The following EPB41 variants were observed in gnomAD, a reference collection of about 807,000 sequenced individuals.
The protein encoded by EPB41 is erythrocyte membrane protein band 4.1, also known as protein 4.1.
Under a neutral mutation model 108.0 loss-of-function variants are expected in EPB41, and 65 were observed. The ratio of observed to expected loss-of-function variants is 0.60; its 90% CI spans 0.49 to 0.74. The LOEUF is 0.74. Among genes scored for constraint, EPB41 ranks in the 30% least tolerant of loss-of-function variants. The pLI is 0.00. For synonymous variants in EPB41, 336 were observed against 358.9 expected (o/e 0.94, Z 0.72); for missense variants, 875 against 1,037.0 (o/e 0.84, Z 2.15).
intron 16 of EPB41, among the ~76,000 whole-genome samples, chr1:29,087,733 T>C (rs1449000686): frequency 2.0e-5 from 3 of 152,204 alleles, no homozygotes; most frequent in African/African-American, 7.2e-5. Context: ...TAAAGGCATA[T>C]ATATAATCAG....
intron 7 of EPB41, among the ~76,000 whole-genome samples, chr1:29,023,798 T>C (rs185843512): frequency 2.6e-5 from 4 of 151,828 alleles, no homozygotes; most frequent in South Asian, 2.1e-4. Context: ...AACCACTGAG[T>C]TGGGGCAATA....
chr1:29,095,132 TAC>T (rs62863760), intron 16 of EPB41, among the ~76,000 whole-genome samples: 3,943 of 152,276 alleles, frequency 0.026, 164 homozygotes, highest in African/African-American at 0.089. Context: ...AACCCACAGA[TAC>T]AGAGTGGTGA....
intron 1 of EPB41, among the ~76,000 whole-genome samples, chr1:28,895,322 C>T (rs1264890838): frequency 1.3e-5 from 2 of 151,914 alleles, no homozygotes; most frequent in Non-Finnish European, 2.9e-5. Context: ...ATTTTAGACA[C>T]ATTATCTCAT....
At chr1:28,931,677 C>T (rs978084612) in intron 1 of EPB41, among the ~76,000 whole-genome samples, 14 of 151,504 alleles carry the variant, frequency 9.2e-5, no homozygotes, top group Non-Finnish European at 1.2e-4. Context: ...TACAGGCGCC[C>T]GCCACCACGT....
chr1:28,908,871 G>A (rs1206598043), intron 1 of EPB41, among the ~76,000 whole-genome samples: 1 of 151,466 alleles, frequency 6.6e-6, no homozygotes, highest in African/African-American at 2.4e-5. Flanking sequence ...AATGAAAAAA[G>A]TCAGTTTTAG....
At chr1:28,982,929 T>A (rs1050894943) in intron 1 of EPB41, among the ~76,000 whole-genome samples, 2 of 152,230 alleles carry the variant, frequency 1.3e-5, no homozygotes, top group African/African-American at 2.4e-5. Context: ...AATTTTTTTT[T>A]AAATTCCTTT....
intron 16 of EPB41, among the ~76,000 whole-genome samples, chr1:29,090,764 A>G (rs1480006206): frequency 6.6e-6 from 1 of 152,168 alleles, no homozygotes; most frequent in Non-Finnish European, 1.5e-5. Context: ...AAGAAAAGAA[A>G]TGATAGAGGA....
At chr1:28,891,560 C>T (rs2090118917) in intron 1 of EPB41, among the ~76,000 whole-genome samples, 1 of 152,192 alleles carries the variant, frequency 6.6e-6, no homozygotes, top group African/African-American at 2.4e-5. Context: ...CTTCACCTAA[C>T]TGTCCTCATC....
intron 11 of EPB41, among the ~76,000 whole-genome samples, chr1:29,051,379 G>T (rs534739597): frequency 5.9e-5 from 9 of 151,774 alleles, no homozygotes; most frequent in Non-Finnish European, 1.3e-4. Flanking sequence ...GATTACAGGT[G>T]TGAGCCACCG....
In EPB41 at chr1:29,070,483, A is replaced by G. The variant is rs537588859; in HGVS notation, c.2184+5325A>G. ...AAATTCTTCCCAAGGTTTCTATTCC[A>G]ATCCCTGAGGATCACAAGTCTCTCA... On this transcript the variant is annotated intron_variant, in intron 16 of 20. Transcript: ENST00000343067. 3 of 1,232,154 alleles carry G rather than the reference A, an allele frequency of 2.4e-6. No individual in the cohort carries two copies. In the South Asian group the frequency reaches 1.2e-4, roughly 51 times the overall value. 76.3% of individuals were successfully genotyped at this position (1,232,154 alleles called of 1,614,324 possible).
chr1:29,074,897 G>A (rs943414833), intron 16 of EPB41, among the ~76,000 whole-genome samples: 73 of 152,180 alleles, frequency 4.8e-4, no homozygotes, highest in Non-Finnish European at 7.8e-4. Flanking sequence ...GGTGGCTCAC[G>A]CCTATAATCC....
In EPB41 at chr1:29,108,517, C is replaced by T. The variant is rs143484973; in HGVS notation, c.2314-819C>T. On this transcript the variant is annotated intron_variant, in intron 17 of 20. Coordinates refer to ENST00000343067, the MANE Select transcript of EPB41 (RefSeq NM_001376013.1). ...AAGGAAACTATACCCATCCAACTTTCTTAGAAGGAACTTTGTGCCCAGGGA... is the reference window on the plus strand; with the variant it reads ...AAGGAAACTATACCCATCCAACTTTTTTAGAAGGAACTTTGTGCCCAGGGA... Among the ~76,000 whole-genome samples the T allele has an allele frequency of 4.5e-3, 682 of 152,066 alleles. 4 individuals carry two copies. Among genetic ancestry groups the T allele is most frequent in the African/African-American group, 0.016 (645 of 41,510 alleles).
chr1:28,971,180 C>CTTTTTTTTTTTT (rs1000130058), intron 1 of EPB41, among the ~76,000 whole-genome samples: 52 of 66,298 alleles, frequency 7.8e-4, no homozygotes, highest in Non-Finnish European at 9.3e-4. Flanking sequence ...TTCTTTCTTT[C>CTTTTTTTTTTTT]TTTTTTTTTT....
At chr1:28,945,760 G>T (rs2094467960) in intron 1 of EPB41, among the ~76,000 whole-genome samples, 1 of 152,158 alleles carries the variant, frequency 6.6e-6, no homozygotes, top group African/African-American at 2.4e-5. Context: ...ATTTTGGTGG[G>T]ATTCCTTACA....
At position 29,065,118 on chromosome 1, in the gene EPB41, G is replaced by T; in HGVS notation, c.2144G>T (p.Arg715Leu). The T allele has an allele frequency of 6.2e-7, 1 of 1,612,358 alleles. No individual in the cohort carries two copies. Among genetic ancestry groups the T allele is most frequent in the African/African-American group, 1.3e-5 (1 of 74,976 alleles). The change falls in exon 16 of 21, where the codon CGA becomes CTA. Residue 715 changes from arginine (R) to leucine (L), a missense_variant. Physicochemically the swap from Arg to Leu is moderately radical, Grantham distance 102. Around this residue, in one of 3 missense-constraint regions of EPB41, gnomAD observed 519 missense variants for 627.3 expected, o/e 0.83. Transcript: ENST00000343067. ...DKRLSTHSPF[R>L]TLNINGQIPT... is the part of the protein sequence containing the mutation. ...CGCTTATCCACTCACTCACCCTTCC[G>T]AACTCTTAACATCAATGGGCAAATC... is the stretch of plus-strand genomic sequence containing the variant.
intron 1 of EPB41, among the ~76,000 whole-genome samples, chr1:28,942,758 G>T (rs1034234873): frequency 1.3e-5 from 2 of 152,132 alleles, no homozygotes; most frequent in Non-Finnish European, 2.9e-5. Context: ...GGCACTGAAA[G>T]TTCTAACCCT....
chr1:29,063,630 C>T (rs1239600470), intron 15 of EPB41, among the ~76,000 whole-genome samples: 1 of 152,098 alleles, frequency 6.6e-6, no homozygotes, highest in African/African-American at 2.4e-5. Flanking sequence ...CCCAATACAG[C>T]TGTTTCCTAC....
At chr1:29,046,480 A>G (rs942841239) in intron 11 of EPB41, among the ~76,000 whole-genome samples, 5 of 152,180 alleles carry the variant, frequency 3.3e-5, no homozygotes, top group Admixed American at 2.0e-4. Flanking sequence ...TTTGGGGTAT[A>G]CATTATTGTG....
chr1:29,067,798 G>A (rs537396140), intron 16 of EPB41, among the ~76,000 whole-genome samples: 1 of 152,100 alleles, frequency 6.6e-6, no homozygotes, highest in Non-Finnish European at 1.5e-5. Flanking sequence ...CCTGAGTAAT[G>A]GGCAGCTAAA....
Sources: gnomAD v4.1 joint callset for allele counts (sites outside exome capture counted in the v4.1 genomes callset) on GRCh38, gnomAD v4.1.1 for gene constraint, gnomAD v4.1.1 regional missense constraint, MANE v1.5 for transcripts, NCBI Gene and HGNC (gene_info 2026-07-23, HGNC 2026-07-21) for gene names.